The following RIN2 variants were observed in gnomAD, a reference collection of about 807,000 sequenced individuals.
The protein encoded by RIN2 is RAB5 interacting protein 2.
Under a neutral mutation model 78.0 loss-of-function variants are expected in RIN2, and 36 were observed. That is an observed-to-expected ratio of 0.46 (90% CI 0.35 to 0.61). The LOEUF is 0.61. RIN2 is among the 20% of genes least tolerant of loss of function. The probability of loss-of-function intolerance (pLI) is 0.00; values close to 1 mark genes in which losing one functional copy is unlikely to be tolerated. For synonymous variants in RIN2, 466 were observed against 466.8 expected, an observed-to-expected ratio of 1.00 and a Z score of 0.02; for missense variants, 1,087 against 1,159.7, an observed-to-expected ratio of 0.94 and a Z score of 0.91.
intron 2 of RIN2, among the ~76,000 whole-genome samples, chr20:19,880,950 G>A (rs1025881344): frequency 2.0e-5 from 3 of 152,156 alleles, no homozygotes; most frequent in African/African-American, 7.2e-5. Context: ...CCCGATGGCA[G>A]CATTTTACTT....
chr20:19,971,735 ATTTTTTTTTTT>A (rs61019165), intron 8 of RIN2, among the ~76,000 whole-genome samples: 2 of 91,540 alleles, frequency 2.2e-5, no homozygotes, highest in African/African-American at 9.9e-5. Context: ...TGAAACTGCA[ATTTTTTTTTTT>A]TTTTTTTTTT....
intron 4 of RIN2, among the ~76,000 whole-genome samples, chr20:19,948,251 G>A (rs1190620079): frequency 1.3e-5 from 2 of 152,124 alleles, no homozygotes; most frequent in Non-Finnish European, 2.9e-5. Flanking sequence ...TTGACTTACG[G>A]GCCACAACCA....
chr20:19,956,257 C>CAAAA (rs11483774), intron 4 of RIN2, among the ~76,000 whole-genome samples: 7 of 50,666 alleles, frequency 1.4e-4, no homozygotes, highest in African/African-American at 4.6e-4. Flanking sequence ...GACTCCATCT[C>CAAAA]AAAAAAAAAA....
chr20:19,970,209 C>G (rs2146298532), intron 7 of RIN2, among the ~76,000 whole-genome samples: 1 of 152,364 alleles, frequency 6.6e-6, no homozygotes, highest in South Asian at 2.1e-4. Flanking sequence ...TGCCGAATCT[C>G]CAGTCCCTCC....
intron 1 of RIN2, among the ~76,000 whole-genome samples, chr20:19,774,767 G>A (rs2034256139): frequency 6.6e-6 from 1 of 152,170 alleles, no homozygotes; most frequent in Non-Finnish European, 1.5e-5. Flanking sequence ...ATAGGATTTG[G>A]TGTTACAAAG....
At chr20:19,809,682 C>T (rs1255002332) in intron 2 of RIN2, 1 of 152,294 alleles carries the variant, frequency 6.6e-6, no homozygotes, top group Non-Finnish European at 1.5e-5. Context: ...GAGGGAGCTC[C>T]CGAAGCTACA....
chr20:19,865,130 A>C (rs1208299829), intron 2 of RIN2, among the ~76,000 whole-genome samples: 1 of 152,204 alleles, frequency 6.6e-6, no homozygotes, highest in Non-Finnish European at 1.5e-5. Flanking sequence ...CCATGGTGTA[A>C]ATAAATACTC....
intron 9 of RIN2, 52 bp from the exon 10 acceptor site, chr20:19,989,954 C>T: frequency 6.9e-7 from 1 of 1,445,392 alleles, no homozygotes; most frequent in Non-Finnish European, 9.2e-7. Flanking sequence ...GCAGATGTTG[C>T]ATTTCTTCTT....
At chr20:19,823,872 G>A in intron 2 of RIN2, 4 of 1,604,868 alleles carry the variant, frequency 2.5e-6, no homozygotes, top group Non-Finnish European at 2.6e-6. Context: ...GGGCAGAAGT[G>A]GCACCGACTT....
At chr20:19,992,795 A>G (rs750648845) in intron 11 of RIN2, among the ~76,000 whole-genome samples, 3 of 152,226 alleles carry the variant, frequency 2.0e-5, no homozygotes, top group African/African-American at 7.2e-5. Flanking sequence ...TTTGTTGAGG[A>G]TATTTCCATT....
At chr20:19,886,864 G>A in intron 2 of RIN2, 1 of 729,774 alleles carries the variant, frequency 1.4e-6, no homozygotes, top group South Asian at 1.9e-5. Context: ...GGGGAGGCAT[G>A]GGGAAGCGCA....
At position 19,974,941 on chromosome 20, in the gene RIN2, T is replaced by TGCCCCCCCCCCCCGGCC; in HGVS notation, c.916_917insGCCCCCCCCCCCCGGCC (p.Ser306CysfsTer47). 6.4e-7 allele frequency: 1 copy of TGCCCCCCCCCCCCGGCC among 1,571,258 alleles called. No individual in the cohort carries two copies. Among genetic ancestry groups the TGCCCCCCCCCCCCGGCC allele is most frequent in the Non-Finnish European group, 8.7e-7 (1 of 1,144,078 alleles). ...CGCGAATGGCACGGAGCGGACTCGG[T>TGCCCCCCCCCCCCGGCC]CCCCCCCACCCAGGCCCCCGCCACC... On this transcript the variant is annotated frameshift_variant, in exon 9 of 13. Coordinates refer to ENST00000255006, the MANE Select transcript of RIN2 (RefSeq NM_018993.4). LOFTEE classifies it high-confidence loss of function.
At chr20:19,872,593 C>T (rs536040902) in intron 2 of RIN2, among the ~76,000 whole-genome samples, 41 of 152,338 alleles carry the variant, frequency 2.7e-4, no homozygotes, top group African/African-American at 9.4e-4. Flanking sequence ...CACAACCCAG[C>T]TTCCTTGACC....
intron 2 of RIN2, among the ~76,000 whole-genome samples, chr20:19,858,634 A>T (rs2037239072): frequency 6.6e-6 from 1 of 152,188 alleles, no homozygotes; most frequent in African/African-American, 2.4e-5. Flanking sequence ...AAGTGCTCAA[A>T]AACCATCTTG....
intron 3 of RIN2, among the ~76,000 whole-genome samples, chr20:19,920,566 T>C (rs566212830): frequency 5.2e-4 from 80 of 152,386 alleles, no homozygotes; most frequent in Admixed American, 1.6e-3. Context: ...CTGCAGATAC[T>C]ACACGCACCT....
intron 3 of RIN2, among the ~76,000 whole-genome samples, chr20:19,930,243 T>C (rs185531680): frequency 2.0e-5 from 3 of 152,218 alleles, no homozygotes; most frequent in Admixed American, 2.0e-4. Context: ...ATAGGTGGCA[T>C]GGCAATGGTG....
chr20:19,846,346 C>T (rs529928073), intron 2 of RIN2, among the ~76,000 whole-genome samples: 1 of 152,156 alleles, frequency 6.6e-6, no homozygotes, highest in Admixed American at 6.5e-5. Context: ...GATATTGATT[C>T]TTCCTATCCA....
intron 6 of RIN2, 38 bp downstream of exon 6, chr20:19,960,849 G>A: frequency 2.3e-6 from 3 of 1,285,396 alleles, no homozygotes; most frequent in Non-Finnish European, 3.3e-6. Flanking sequence ...TGACTGACAG[G>A]GCCACGGGGC....
rs565207942 is a variant in RIN2, at chr20:19,929,454, C to T, written c.58-5645C>T. Among the ~76,000 whole-genome samples, 21 of 152,150 alleles carry T rather than the reference C, an allele frequency of 1.4e-4. 1 individual carries two copies. Among genetic ancestry groups the T allele is most frequent in the Non-Finnish European group, 2.4e-4 (16 of 68,024 alleles). On this transcript the variant is annotated intron_variant, in intron 3 of 12. Transcript: ENST00000255006. The stretch of plus-strand genomic sequence containing the variant: ...TGGGCTCACTGCAACCTCTGCCTCC[C>T]GGGTTCAAGCGATTCTCCTCCCTCA...
Sources: gnomAD v4.1 joint callset for allele counts (sites outside exome capture counted in the v4.1 genomes callset) on GRCh38, gnomAD v4.1.1 for gene constraint, MANE v1.5 for transcripts, NCBI Gene and HGNC (gene_info 2026-07-23, HGNC 2026-07-21) for gene names.